The following CEP112 variants were observed in gnomAD, a reference collection of about 807,000 sequenced individuals.
CEP112 encodes centrosomal protein 112.
CEP112 carries 127 observed loss-of-function variants against 153.0 expected under a neutral mutation model. The observed-to-expected ratio is 0.83, with a 90% CI of 0.72 to 0.96. The LOEUF is 0.96. CEP112 is among the 40% of genes least tolerant of loss of function. The probability of loss-of-function intolerance (pLI) is 0.00; values close to 1 mark genes in which losing one functional copy is unlikely to be tolerated. For missense variants in CEP112, 1,089 were observed against 1,101.2 expected, an observed-to-expected ratio of 0.99 and a Z score of 0.16; for synonymous variants, 358 against 374.4, an observed-to-expected ratio of 0.96 and a Z score of 0.51.
chr17:65,930,730 A>G (rs2061088528), intron 18 of CEP112, among the ~76,000 whole-genome samples: 1 of 152,214 alleles, frequency 6.6e-6, no homozygotes, highest in South Asian at 2.1e-4. Flanking sequence ...TTGGACCTCA[A>G]GTGAGATTCT....
chr17:65,914,899 C>T (rs1043697431), intron 19 of CEP112, among the ~76,000 whole-genome samples: 1 of 152,186 alleles, frequency 6.6e-6, no homozygotes, highest in African/African-American at 2.4e-5. Context: ...GACATTGGTT[C>T]CCACATTCTA....
chr17:65,822,341 T>C (rs2056633895), intron 21 of CEP112, among the ~76,000 whole-genome samples: 1 of 152,144 alleles, frequency 6.6e-6, no homozygotes, highest in Non-Finnish European at 1.5e-5. Context: ...ACTCCGGTGA[T>C]ACCAAAATCC....
At chr17:65,720,233 G>A (rs2049788240) in intron 23 of CEP112, among the ~76,000 whole-genome samples, 1 of 152,180 alleles carries the variant, frequency 6.6e-6, no homozygotes, top group Non-Finnish European at 1.5e-5. Flanking sequence ...AGTAGGACAT[G>A]TCATCTGTTT....
chr17:65,758,060 C>T (rs1329644509), intron 21 of CEP112, among the ~76,000 whole-genome samples: 2 of 152,124 alleles, frequency 1.3e-5, no homozygotes, highest in African/African-American at 2.4e-5. Flanking sequence ...ACTCAAACTC[C>T]TAGGCTCAAA....
At chr17:66,150,060 A>AT (rs772359218) in intron 4 of CEP112, among the ~76,000 whole-genome samples, 4,788 of 123,002 alleles carry the variant, frequency 0.039, 113 homozygotes, top group African/African-American at 0.061. Flanking sequence ...TGCCCAGCTA[A>AT]TTTTTTTTTT....
intron 24 of CEP112, among the ~76,000 whole-genome samples, chr17:65,669,297 A>C (rs7207704): frequency 0.027 from 4,128 of 152,316 alleles, 164 homozygotes; most frequent in African/African-American, 0.094. Flanking sequence ...TGGTGGCAAG[A>C]AATTCTCTTC....
At chr17:66,056,611 G>A (rs557744165) in intron 11 of CEP112, among the ~76,000 whole-genome samples, 4 of 152,154 alleles carry the variant, frequency 2.6e-5, no homozygotes, top group South Asian at 4.2e-4. Context: ...AAAACATTAC[G>A]GTAAGTGAAA....
intron 23 of CEP112, among the ~76,000 whole-genome samples, chr17:65,715,225 A>T (rs745333518): frequency 6.6e-6 from 1 of 152,136 alleles, no homozygotes; most frequent in Non-Finnish European, 1.5e-5. Flanking sequence ...CCAAAAGATC[A>T]TCCACGCAGA....
chr17:65,729,324 T>A (rs2144969132), intron 23 of CEP112, among the ~76,000 whole-genome samples: 1 of 152,316 alleles, frequency 6.6e-6, no homozygotes, highest in Non-Finnish European at 1.5e-5. Flanking sequence ...ATGTAGTCCA[T>A]CTTGACTGAT....
At chr17:66,067,463 T>C (rs951011787) in intron 9 of CEP112, among the ~76,000 whole-genome samples, 3 of 152,204 alleles carry the variant, frequency 2.0e-5, no homozygotes, top group African/African-American at 7.2e-5. Flanking sequence ...ATACTTACGA[T>C]ATCTACTGTT....
chr17:65,989,782 G>C (rs1598027305), intron 17 of CEP112, among the ~76,000 whole-genome samples: 1 of 152,224 alleles, frequency 6.6e-6, no homozygotes, highest in South Asian at 2.1e-4. Context: ...AAGCCAAAAA[G>C]ACAAACCTAT....
chr17:65,826,069 C>G (rs747734506), intron 21 of CEP112: 3 of 1,506,524 alleles, frequency 2.0e-6, no homozygotes, highest in Non-Finnish European at 2.8e-6. Flanking sequence ...CCTAACTCAG[C>G]TCAGCAATGA....
At chr17:65,725,621 T>C (rs911773130) in intron 23 of CEP112, among the ~76,000 whole-genome samples, 5 of 152,214 alleles carry the variant, frequency 3.3e-5, no homozygotes, top group Non-Finnish European at 5.9e-5. Flanking sequence ...TAGTCTGTTT[T>C]CATGCTGTTG....
intron 19 of CEP112, 43 bp downstream of exon 19, chr17:65,927,539 G>T: frequency 9.5e-7 from 1 of 1,052,650 alleles, no homozygotes; most frequent in Non-Finnish European, 1.4e-6. Context: ...AATCATATAT[G>T]TATTTTAAAA....
chr17:65,687,756 T>C (rs2047890345), intron 24 of CEP112, among the ~76,000 whole-genome samples: 1 of 152,178 alleles, frequency 6.6e-6, no homozygotes, highest in South Asian at 2.1e-4. Flanking sequence ...TTTGTAAACA[T>C]CTCCAGAGAT....
chr17:65,713,229 A>G (rs866879523), intron 23 of CEP112, among the ~76,000 whole-genome samples: 16 of 152,184 alleles, frequency 1.1e-4, no homozygotes, highest in African/African-American at 3.9e-4. Context: ...CCGGGGGGTT[A>G]CCAGGTAGGC....
At chr17:65,896,732 C>T (rs1438852896) in intron 20 of CEP112, among the ~76,000 whole-genome samples, 2 of 151,954 alleles carry the variant, frequency 1.3e-5, no homozygotes, top group Non-Finnish European at 2.9e-5. Context: ...GCATCTCCCC[C>T]ACACACTTTT....
At chr17:65,639,684 C>CAAA (rs11309560) in intron 25 of CEP112, among the ~76,000 whole-genome samples, 4 of 115,142 alleles carry the variant, frequency 3.5e-5, no homozygotes, top group Admixed American at 8.7e-5. Flanking sequence ...AACTCTGTCT[C>CAAA]AAAAAAAAAA....
At chr17:65,693,239 C>A (rs2048200609) in intron 23 of CEP112, among the ~76,000 whole-genome samples, 1 of 152,064 alleles carries the variant, frequency 6.6e-6, no homozygotes, top group Admixed American at 6.6e-5. Context: ...CGTCCCACAC[C>A]CTGCCCCATT....
Sources: allele counts gnomAD v4.1 joint callset (sites outside exome capture counted in the v4.1 genomes callset), GRCh38; gene constraint gnomAD v4.1.1; transcripts MANE v1.5; gene names NCBI Gene and HGNC (gene_info 2026-07-23, HGNC 2026-07-21).